Variants in STARD13 observed in about 807,000 individuals in gnomAD.
The protein encoded by STARD13 is stAR-related lipid transfer protein 13.
In STARD13, 62 loss-of-function variants were observed where a neutral mutation model predicts 106.4. That is an observed-to-expected ratio of 0.58 (90% CI 0.48 to 0.72). STARD13 has a LOEUF of 0.72. STARD13 is among the 30% of genes least tolerant of loss of function. STARD13 has a pLI of 0.00. For missense variants in STARD13, 1,387 were observed against 1,424.0 expected (o/e 0.97, Z 0.42); for synonymous variants, 565 against 553.0 (o/e 1.02, Z -0.31).
chr13:33,492,310 C>T, the STARD13 span, among the ~76,000 whole-genome samples: 4 of 152,170 alleles, frequency 2.6e-5, no homozygotes, highest in African/African-American at 7.2e-5. Context: ...GATCTAGGTA[C>T]TTCCCAGAGC....
At chr13:33,336,924 T>C (rs2077903912) in intron 1 of STARD13, among the ~76,000 whole-genome samples, 1 of 152,030 alleles carries the variant, frequency 6.6e-6, no homozygotes, top group Admixed American at 6.6e-5. Context: ...TTTTTGCCAT[T>C]GAAAGTAATA....
At chr13:33,397,263 C>T in the STARD13 span, among the ~76,000 whole-genome samples, 1 of 152,132 alleles carries the variant, frequency 6.6e-6, no homozygotes. Flanking sequence ...GCATAGCCAA[C>T]AGCCATGGCA....
In STARD13 at chr13:33,126,086, C is replaced by G; in HGVS notation, c.2077G>C (p.Asp693His). 2.5e-6 allele frequency: 4 copies of G among 1,613,762 alleles called. No individual in the cohort carries two copies. The highest frequency in any genetic ancestry group is 1.7e-5 in the Admixed American group (1 of 60,026). The change falls in exon 7 of 14, where the codon GAT becomes CAT. Residue 693 changes from aspartate (D) to histidine (H), a missense_variant. Asp to His is a moderately conservative substitution (Grantham distance 81). Coordinates refer to ENST00000336934, the MANE Select transcript of STARD13 (RefSeq NM_178006.4). ...CGGGGGGGTTACAGCCCTACCTGATCGAGGCAGTTGCTGCGTAGATATCTC... is the reference window on the plus strand; with the variant it reads ...CGGGGGGGTTACAGCCCTACCTGATGGAGGCAGTTGCTGCGTAGATATCTC... Reference protein sequence around the residue: ...ALRYLRSNCLDQVGLFRKSGV... With the variant: ...ALRYLRSNCLHQVGLFRKSGV...
the STARD13 span, among the ~76,000 whole-genome samples, chr13:33,585,334 T>C: frequency 3.6e-4 from 55 of 152,286 alleles, no homozygotes; most frequent in African/African-American, 1.3e-3. Flanking sequence ...ACATCTATGC[T>C]CATAACATCA....
intron 1 of STARD13, among the ~76,000 whole-genome samples, chr13:33,204,652 T>G (rs752522212): frequency 2.0e-5 from 3 of 152,208 alleles, no homozygotes. Context: ...TTCTCTCCCA[T>G]TTATAGTTGT....
the STARD13 span, among the ~76,000 whole-genome samples, chr13:33,589,081 CA>C: frequency 1.3e-5 from 2 of 152,178 alleles, no homozygotes; most frequent in African/African-American, 4.8e-5. Flanking sequence ...TTAGTATCAT[CA>C]TATAAAGAAT....
At chr13:33,380,078 C>G in the STARD13 span, among the ~76,000 whole-genome samples, 1 of 152,100 alleles carries the variant, frequency 6.6e-6, no homozygotes, top group South Asian at 2.1e-4. Context: ...TATAGTTTGA[C>G]TTATTTATTT....
chr13:33,653,676 A>G, the STARD13 span, among the ~76,000 whole-genome samples: 1 of 148,478 alleles, frequency 6.7e-6, no homozygotes, highest in Non-Finnish European at 1.5e-5. Context: ...AAAAAGATCA[A>G]TTGGATTTTA....
chr13:33,386,832 C>T, the STARD13 span, among the ~76,000 whole-genome samples: 6 of 152,148 alleles, frequency 3.9e-5, no homozygotes, highest in Non-Finnish European at 8.8e-5. Flanking sequence ...ATATTGACTG[C>T]TCCACCAAGA....
the STARD13 span, among the ~76,000 whole-genome samples, chr13:33,468,934 T>A: frequency 6.6e-6 from 1 of 152,126 alleles, no homozygotes; most frequent in Non-Finnish European, 1.5e-5. Flanking sequence ...GGGCCCTAGA[T>A]GAAGGTAGCA....
chr13:33,389,666 ATTAC>A, the STARD13 span, among the ~76,000 whole-genome samples: 1 of 152,188 alleles, frequency 6.6e-6, no homozygotes, highest in Non-Finnish European at 1.5e-5. Flanking sequence ...TTCACATTTA[ATTAC>A]TTCTAAGTGC....
the STARD13 span, among the ~76,000 whole-genome samples, chr13:33,627,741 T>C: frequency 1.3e-5 from 2 of 152,170 alleles, no homozygotes; most frequent in Non-Finnish European, 2.9e-5. Flanking sequence ...TGGTCCTTTC[T>C]GAATGTGAGC....
chr13:33,582,723 C>T, the STARD13 span, among the ~76,000 whole-genome samples: 1 of 152,178 alleles, frequency 6.6e-6, no homozygotes, highest in African/African-American at 2.4e-5. Flanking sequence ...TGGTACAACA[C>T]AGCAGATAAG....
upstream of STARD13, among the ~76,000 whole-genome samples, chr13:33,288,570 TG>T (rs1892166195): frequency 6.6e-6 from 1 of 151,802 alleles, no homozygotes; most frequent in East Asian, 1.9e-4. Flanking sequence ...CAATCACACT[TG>T]GCCCTACATT....
At chr13:33,371,910 T>C in the STARD13 span, among the ~76,000 whole-genome samples, 1 of 152,178 alleles carries the variant, frequency 6.6e-6, no homozygotes, top group African/African-American at 2.4e-5. Context: ...CAATTAAAGC[T>C]CAGACAAAGA....
At chr13:33,582,112 C>G in the STARD13 span, among the ~76,000 whole-genome samples, 1 of 152,012 alleles carries the variant, frequency 6.6e-6, no homozygotes, top group Non-Finnish European at 1.5e-5. Context: ...GTCCCAGCTA[C>G]TCAGGAGGCT....
chr13:33,501,406 ATTTTGGCTTTTATTGCCTTTGC>A, the STARD13 span, among the ~76,000 whole-genome samples: 4 of 152,138 alleles, frequency 2.6e-5, no homozygotes, highest in Non-Finnish European at 5.9e-5. Context: ...CCATTTGTCT[ATTTTGGCTTTTATTGCCTTTGC>A]TTTTGGTGTT....
intron 1 of STARD13, among the ~76,000 whole-genome samples, chr13:33,243,275 A>G (rs1373737472): frequency 6.6e-6 from 1 of 152,208 alleles, no homozygotes; most frequent in African/African-American, 2.4e-5. Flanking sequence ...AAAGTACAAA[A>G]GTAAATAGAA....
the STARD13 span, among the ~76,000 whole-genome samples, chr13:33,365,254 C>T: frequency 6.6e-6 from 1 of 152,152 alleles, no homozygotes; most frequent in Non-Finnish European, 1.5e-5. Flanking sequence ...CAAACATCCA[C>T]AGCTTTGAGG....
Sources: gnomAD v4.1 joint callset for allele counts (sites outside exome capture counted in the v4.1 genomes callset) on GRCh38, gnomAD v4.1.1 for gene constraint, MANE v1.5 for transcripts, NCBI Gene and HGNC (gene_info 2026-07-23, HGNC 2026-07-21) for gene names.